BTAF1: variants seen among roughly 807,000 people sequenced by gnomAD.
The protein encoded by BTAF1 is B-TFIID TATA-box binding protein associated factor 1.
A neutral mutation model predicts 227.1 loss-of-function variants in BTAF1; 38 were observed. The observed-to-expected ratio is 0.17, with a 90% confidence interval of 0.13 to 0.22. The LOEUF (loss-of-function observed/expected upper bound fraction) is 0.22, where lower values mean the gene tolerates loss of function less well. Ranked by LOEUF, BTAF1 falls within the 10% of genes least tolerant of loss-of-function variation. The probability of loss-of-function intolerance (pLI) is 1.00; values close to 1 mark genes in which losing one functional copy is unlikely to be tolerated. For missense variants in BTAF1, 1,598 were observed against 2,204.0 expected (o/e 0.73, Z 5.51); for synonymous variants, 742 against 751.9 (o/e 0.99, Z 0.21).
chr10:91,970,286 T>C (rs1013954601), intron 14 of BTAF1, among the ~76,000 whole-genome samples: 5 of 152,156 alleles, frequency 3.3e-5, no homozygotes, highest in African/African-American at 1.2e-4. Context: ...TAGTGTGAGA[T>C]TCTGTGCTGG....
chr10:91,989,284 A>G lies in BTAF1; in HGVS notation c.2558A>G (p.Gln853Arg). The stretch of plus-strand genomic sequence containing the variant: ...ACCAACCAGGAGTGGCAAGTGTTGC[A>G]GTTGAGAGTGCATACTTTTGCTGCC... The part of the protein sequence containing the change: ...TETNQEWQVL[Q>R]LRVHTFAACA... The change falls in exon 20 of 38, where the codon CAG becomes CGG. Residue 853 changes from glutamine to arginine, a missense_variant. By Grantham distance (43) the Gln-to-Arg change is conservative (BLOSUM62 1). Coordinates refer to ENST00000265990, the MANE Select transcript of BTAF1 (RefSeq NM_003972.3). 2 of 1,614,230 alleles carry G rather than the reference A, an allele frequency of 1.2e-6. No homozygotes were observed. Among genetic ancestry groups the G allele is most frequent in the South Asian group, 2.2e-5 (2 of 91,088 alleles).
rs1416009555 is a variant in BTAF1, at chr10:92,008,876, A to G, written c.3861A>G (p.Gly1287=). 1 of 1,613,104 alleles carries G rather than the reference A, an allele frequency of 6.2e-7. No individual in the cohort carries two copies. The highest frequency in any genetic ancestry group is 8.5e-7 in the Non-Finnish European group (1 of 1,179,292). Residue 1287 remains glycine (G), a synonymous_variant, in exon 27 of 38, where the codon GGA becomes GGG. Coordinates refer to ENST00000265990, the MANE Select transcript of BTAF1 (RefSeq NM_003972.3). ...LAFLNKYKLH[G]ILCDDMGLGK... ...TTCTTAATAAGTATAAACTTCATGG[A>G]ATTCTGTGTGATGACATGGGTTTAG...
At chr10:91,975,122 C>T (rs1368086205) in intron 14 of BTAF1, among the ~76,000 whole-genome samples, 2 of 152,138 alleles carry the variant, frequency 1.3e-5, no homozygotes, top group Admixed American at 1.3e-4. Context: ...CATGAATCTC[C>T]TATTTTGCCT....
At chr10:91,971,838 A>ATT (rs11299264) in intron 14 of BTAF1, among the ~76,000 whole-genome samples, 7 of 148,580 alleles carry the variant, frequency 4.7e-5, no homozygotes, top group Admixed American at 1.3e-4. Flanking sequence ...AAATTTTGGG[A>ATT]TTTTTTTTTT....
chr10:91,924,795 C>CT (rs1843718662), intron 1 of BTAF1, among the ~76,000 whole-genome samples: 1 of 152,134 alleles, frequency 6.6e-6, no homozygotes, highest in Non-Finnish European at 1.5e-5. Flanking sequence ...AGAAACATTA[C>CT]TTTTTCCTCC....
intron 13 of BTAF1, among the ~76,000 whole-genome samples, chr10:91,965,640 C>T (rs1308576150): frequency 6.6e-6 from 1 of 152,134 alleles, no homozygotes; most frequent in Non-Finnish European, 1.5e-5. Context: ...TTGGCAGATA[C>T]TTTCTTCTAG....
At chr10:91,937,461 C>T (rs1217573706) in intron 2 of BTAF1, among the ~76,000 whole-genome samples, 1 of 152,154 alleles carries the variant, frequency 6.6e-6, no homozygotes, top group Non-Finnish European at 1.5e-5. Context: ...AGTCACTCTT[C>T]AATACTCCTT....
intron 17 of BTAF1, 67 bp downstream of exon 17, chr10:91,982,292 A>G: frequency 6.2e-7 from 1 of 1,603,026 alleles, no homozygotes; most frequent in Non-Finnish European, 8.5e-7. Context: ...TTATTTAACC[A>G]ACAGAAGATT....
chr10:91,929,727 T>A (rs1844142969), intron 1 of BTAF1, among the ~76,000 whole-genome samples: 2 of 151,650 alleles, frequency 1.3e-5, no homozygotes, highest in Admixed American at 6.6e-5. Context: ...TTTTTAATAA[T>A]TTTTTTTTAA....
chr10:91,984,539 C>T, intron 19 of BTAF1, 135 bp downstream of exon 19: 2 of 726,050 alleles, frequency 2.8e-6, no homozygotes, highest in Non-Finnish European at 2.2e-6. Flanking sequence ...TCATCTCTAC[C>T]CTTGAGAAAG....
intron 4 of BTAF1, among the ~76,000 whole-genome samples, chr10:91,945,184 T>TA (rs368519386): frequency 6.6e-6 from 1 of 152,132 alleles, no homozygotes; most frequent in Non-Finnish European, 1.5e-5. Context: ...GTTTTTTTTT[T>TA]ACCTAAGAGA....
At chr10:91,991,896 T>C (rs924330977) in intron 20 of BTAF1, among the ~76,000 whole-genome samples, 3 of 151,674 alleles carry the variant, frequency 2.0e-5, no homozygotes, top group Non-Finnish European at 2.9e-5. Flanking sequence ...ATGTGCTGTT[T>C]CTCATTGTTC....
intron 11 of BTAF1, among the ~76,000 whole-genome samples, chr10:91,961,324 T>G (rs938280187): frequency 1.3e-5 from 2 of 152,224 alleles, no homozygotes; most frequent in Non-Finnish European, 2.9e-5. Flanking sequence ...TCACTATCCA[T>G]TATGGCTACT....
intron 1 of BTAF1, among the ~76,000 whole-genome samples, chr10:91,925,021 CTG>C (rs1357714148): frequency 6.7e-6 from 1 of 149,606 alleles, no homozygotes; most frequent in Non-Finnish European, 1.5e-5. Context: ...TTATAATTAA[CTG>C]AACACATTCT....
At chr10:91,940,570 T>C (rs1291827584) in intron 3 of BTAF1, among the ~76,000 whole-genome samples, 1 of 152,178 alleles carries the variant, frequency 6.6e-6, no homozygotes, top group Non-Finnish European at 1.5e-5. Context: ...TTACATGCTT[T>C]TGAAAAGCTG....
intron 20 of BTAF1, 64 bp downstream of exon 20, chr10:91,989,644 A>C (rs1469668668): frequency 7.1e-7 from 1 of 1,414,126 alleles, no homozygotes. Flanking sequence ...TTGTTTACTT[A>C]TGGGTATAAT....
At chr10:91,980,693 A>G (rs1432052233) in intron 15 of BTAF1, 135 bp downstream of exon 15, 1 of 670,336 alleles carries the variant, frequency 1.5e-6, no homozygotes, top group African/African-American at 1.8e-5. Context: ...ATAATGAGAC[A>G]GAGAACTAGG....
At chr10:91,988,248 CT>C (rs1438550213) in intron 19 of BTAF1, among the ~76,000 whole-genome samples, 1 of 152,114 alleles carries the variant, frequency 6.6e-6, no homozygotes, top group Non-Finnish European at 1.5e-5. Context: ...GACATTATAT[CT>C]TATTTATCTT....
intron 32 of BTAF1, 131 bp downstream of exon 32, chr10:92,014,160 T>A: frequency 1.0e-6 from 1 of 970,960 alleles, no homozygotes; most frequent in Non-Finnish European, 1.5e-6. Context: ...CTAAATGATG[T>A]GGATGTAAGT....
Sources: allele counts gnomAD v4.1 joint callset (sites outside exome capture counted in the v4.1 genomes callset), GRCh38; gene constraint gnomAD v4.1.1; transcripts MANE v1.5; gene names NCBI Gene and HGNC (gene_info 2026-07-23, HGNC 2026-07-21).